Variants in MKLN1 observed in about 807,000 individuals in gnomAD.
The protein encoded by MKLN1 is muskelin.
MKLN1 carries 18 observed loss-of-function variants against 99.0 expected under a neutral mutation model. That is an observed-to-expected ratio of 0.18 (90% CI 0.13 to 0.27). The LOEUF (loss-of-function observed/expected upper bound fraction) is 0.27. MKLN1 is among the 10% of genes least tolerant of loss of function. The pLI is 1.00. For missense variants in MKLN1, 621 were observed against 875.9 expected (o/e 0.71, Z 3.67); for synonymous variants, 288 against 293.2 (o/e 0.98, Z 0.18).
chr7:131,400,613 G>A (rs1287002424), intron 6 of MKLN1, among the ~76,000 whole-genome samples: 1 of 150,236 alleles, frequency 6.7e-6, no homozygotes, highest in African/African-American at 2.5e-5. Flanking sequence ...TAATTTTAGG[G>A]CTTTTTTGTT....
At chr7:131,264,169 T>A (rs1172422169) in intron 3 of MKLN1, among the ~76,000 whole-genome samples, 1 of 152,116 alleles carries the variant, frequency 6.6e-6, no homozygotes, top group Non-Finnish European at 1.5e-5. Context: ...GACAAATAGA[T>A]CTTTTTGCTA....
rs146753517 is a variant in MKLN1 at position 131,162,740 on chromosome 7, G to A, written c.-297+19799G>A. On this transcript the variant is annotated intron_variant, in intron 2 of 7. Transcript: ENST00000416992. ...CGAATAAGAGATGCTCAACCTGTAC[G>A]TGTGAAATACACATTGGACTTCGAA... Among the ~76,000 whole-genome samples, 461 of 152,270 alleles carry A rather than the reference G, an allele frequency of 3.0e-3. 3 individuals carry two copies. Among genetic ancestry groups the A allele is most frequent in the African/African-American group, 0.011 (440 of 41,560 alleles).
intron 3 of MKLN1, chr7:131,285,113 C>T (rs1798113306): frequency 6.6e-6 from 1 of 152,290 alleles, no homozygotes; most frequent in African/African-American, 2.4e-5. Flanking sequence ...TGGGTTTGGC[C>T]AGTCTTTCAT....
At chr7:131,367,433 A>C (rs1305790148) in intron 1 of MKLN1, among the ~76,000 whole-genome samples, 1 of 152,134 alleles carries the variant, frequency 6.6e-6, no homozygotes, top group Non-Finnish European at 1.5e-5. Flanking sequence ...GTGTCTTATA[A>C]AATGTATTTT....
intron 3 of MKLN1, among the ~76,000 whole-genome samples, chr7:131,238,192 A>G (rs552720236): frequency 4.6e-5 from 7 of 152,308 alleles, no homozygotes; most frequent in East Asian, 3.9e-4. Context: ...AAGAAGGCTC[A>G]GACTCATCTT....
chr7:131,178,754 A>T (rs1219141472), intron 2 of MKLN1, among the ~76,000 whole-genome samples: 1 of 152,190 alleles, frequency 6.6e-6, no homozygotes, highest in Non-Finnish European at 1.5e-5. Flanking sequence ...GTTCCCTGAC[A>T]TATATCTGCC....
intron 2 of MKLN1, among the ~76,000 whole-genome samples, chr7:131,197,205 T>C (rs1381392818): frequency 1.3e-5 from 2 of 151,872 alleles, no homozygotes; most frequent in Non-Finnish European, 2.9e-5. Context: ...GATTGTTTGA[T>C]TGATTGATTT....
intron 3 of MKLN1, among the ~76,000 whole-genome samples, chr7:131,298,352 C>G (rs1435954274): frequency 6.6e-6 from 1 of 152,068 alleles, no homozygotes; most frequent in Non-Finnish European, 1.5e-5. Context: ...ATGATTCTTC[C>G]TCTTTACAAA....
intron 3 of MKLN1, among the ~76,000 whole-genome samples, chr7:131,270,259 G>C (rs1316292840): frequency 6.6e-6 from 1 of 151,800 alleles, no homozygotes; most frequent in African/African-American, 2.4e-5. Flanking sequence ...ATCTCACTTT[G>C]TTGCCCAGGC....
chr7:131,137,420 G>A (rs946587543), intron 1 of MKLN1, among the ~76,000 whole-genome samples: 1 of 152,160 alleles, frequency 6.6e-6, no homozygotes, highest in African/African-American at 2.4e-5. Flanking sequence ...ATGGAAAGGG[G>A]AGTGATCCAT....
Position 131,494,636 on chromosome 7 carries a change from T to C in MKLN1, c.*6908T>C, listed in dbSNP as rs140072338. The stretch of plus-strand genomic sequence containing the variant: ...AATTATTTTGGTGACTGATCAATTG[T>C]AAACAATTTTCTTCCTTACTTACAA... On this transcript the variant is annotated 3_prime_UTR_variant, in exon 18 of 18. Transcript: ENST00000352689. The C allele has an allele frequency of 9.2e-5, 14 of 152,294 alleles. No homozygotes were observed. Among genetic ancestry groups the C allele is most frequent in the African/African-American group, 3.4e-4 (14 of 41,568 alleles). 9.4% of individuals were successfully genotyped at this position (152,294 alleles called of 1,614,324 possible).
intron 3 of MKLN1, among the ~76,000 whole-genome samples, chr7:131,301,334 G>A (rs936946295): frequency 3.9e-5 from 6 of 152,154 alleles, no homozygotes; most frequent in Non-Finnish European, 8.8e-5. Context: ...AGAGGTTCTC[G>A]ACCTTTGTGC....
At chr7:131,447,291 T>C (rs1796043289) in intron 12 of MKLN1, among the ~76,000 whole-genome samples, 1 of 152,242 alleles carries the variant, frequency 6.6e-6, no homozygotes, top group Non-Finnish European at 1.5e-5. Context: ...ATTTACCCTA[T>C]CTAAAATTGT....
At chr7:131,127,990 G>A (rs1176356784) in intron 1 of MKLN1, among the ~76,000 whole-genome samples, 1 of 152,198 alleles carries the variant, frequency 6.6e-6, no homozygotes, top group African/African-American at 2.4e-5. Context: ...AACATTACCA[G>A]AATAAATTCA....
intron 3 of MKLN1, among the ~76,000 whole-genome samples, chr7:131,263,665 G>A (rs1018378862): frequency 7.9e-5 from 12 of 151,244 alleles, no homozygotes; most frequent in Non-Finnish European, 1.3e-4. Context: ...TCTGCCTCCC[G>A]GGTTCAAGCG....
chr7:131,217,991 A>G (rs1268836932), intron 3 of MKLN1, among the ~76,000 whole-genome samples: 2 of 152,220 alleles, frequency 1.3e-5, no homozygotes, highest in African/African-American at 4.8e-5. Flanking sequence ...CGCCTCCCCA[A>G]GAATGTGAGG....
intron 2 of MKLN1, among the ~76,000 whole-genome samples, chr7:131,187,657 G>C (rs956608821): frequency 6.6e-6 from 1 of 152,092 alleles, no homozygotes; most frequent in Non-Finnish European, 1.5e-5. Flanking sequence ...GGCCAGGTGC[G>C]GTGACTCATG....
chr7:131,381,145 C>G (rs1037269370), intron 2 of MKLN1, among the ~76,000 whole-genome samples: 1 of 152,132 alleles, frequency 6.6e-6, no homozygotes, highest in African/African-American at 2.4e-5. Context: ...TGTATTTTCT[C>G]CATAAGGCAT....
At chr7:131,247,888 T>TTTTG (rs1284000813) in intron 3 of MKLN1, among the ~76,000 whole-genome samples, 3 of 151,928 alleles carry the variant, frequency 2.0e-5, no homozygotes, top group African/African-American at 7.3e-5. Context: ...TTTTGTTTTG[T>TTTTG]TTTGTTTTGT....
Sources: allele counts gnomAD v4.1 joint callset (sites outside exome capture counted in the v4.1 genomes callset), GRCh38; gene constraint gnomAD v4.1.1; transcripts MANE v1.5; gene names NCBI Gene and HGNC (gene_info 2026-07-23, HGNC 2026-07-21).